The following DNAH9 variants were observed in gnomAD, a reference collection of about 807,000 sequenced individuals.
DNAH9 encodes the protein dynein axonemal heavy chain 9.
A neutral mutation model predicts 471.6 loss-of-function variants in DNAH9; 345 were observed. The ratio of observed to expected loss-of-function variants is 0.73; its 90% CI spans 0.67 to 0.80. DNAH9 has a LOEUF of 0.80. DNAH9 is among the 30% of genes least tolerant of loss of function. The pLI, the probability that DNAH9 is intolerant of heterozygous loss-of-function variation, is 0.00. For missense variants in DNAH9, 5,407 were observed against 5,609.2 expected, an observed-to-expected ratio of 0.96 and a Z score of 1.15; for synonymous variants, 2,093 against 2,123.6, an observed-to-expected ratio of 0.99 and a Z score of 0.40.
At chr17:11,757,354 A>G (rs1432516380) in intron 34 of DNAH9, among the ~76,000 whole-genome samples, 191 bp from the exon 35 acceptor site, 2 of 152,016 alleles carry the variant, frequency 1.3e-5, no homozygotes, top group Non-Finnish European at 2.9e-5. Context: ...CTCCCCATCC[A>G]TCTATCATCA....
chr17:11,898,194 G>A (rs1194489216), intron 59 of DNAH9, among the ~76,000 whole-genome samples: 9 of 151,334 alleles, frequency 5.9e-5, no homozygotes, highest in South Asian at 2.1e-4. Context: ...GCGAAATCTC[G>A]GCTCACTGCA....
At chr17:11,741,671 T>C (rs2075435026) in intron 29 of DNAH9, among the ~76,000 whole-genome samples, 1 of 152,168 alleles carries the variant, frequency 6.6e-6, no homozygotes, top group African/African-American at 2.4e-5. Context: ...TTTACATTTG[T>C]GTTCAAATAA....
chr17:11,695,474 G>A (rs1328881241), intron 22 of DNAH9, among the ~76,000 whole-genome samples: 1 of 152,186 alleles, frequency 6.6e-6, no homozygotes, highest in African/African-American at 2.4e-5. Context: ...CCCAAAATGT[G>A]GGGTTCTGGC....
At chr17:11,735,390 G>A (rs972970277) in intron 28 of DNAH9, among the ~76,000 whole-genome samples, 17 of 152,186 alleles carry the variant, frequency 1.1e-4, no homozygotes, top group African/African-American at 3.6e-4. Flanking sequence ...TGAGAACACC[G>A]GTTCCTACAT....
At position 11,932,294 on chromosome 17, in the gene DNAH9, T is replaced by C. The variant is rs562711191; in HGVS notation, c.12297+89T>C. 11 of 1,345,454 alleles carry C rather than the reference T, an allele frequency of 8.2e-6. No homozygotes were observed. In the South Asian group the frequency reaches 1.4e-4, roughly 17 times the overall value. 83.3% of individuals were successfully genotyped at this position (1,345,454 alleles called of 1,614,324 possible). A position where few individuals can be genotyped will look rare whatever the true frequency, so the allele number is the denominator to read the frequency against. The stretch of plus-strand genomic sequence containing the variant: ...AGGGGTGAATCAGAGGGGTCTAGGA[T>C]GGGGCCTGAGAATGTGCATTTCTAA... On this transcript the variant is annotated intron_variant, in intron 64 of 68. Coordinates refer to ENST00000262442, the MANE Select transcript of DNAH9 (RefSeq NM_001372.4). The surrounding 1 kb of genome is among the most constrained non-coding windows in gnomAD (Gnocchi z 4.3).
At chr17:11,797,913 T>A in intron 43 of DNAH9, 120 bp downstream of exon 43, 1 of 1,018,512 alleles carries the variant, frequency 9.8e-7, no homozygotes, top group Non-Finnish European at 1.4e-6. Context: ...GCTTCTGCCT[T>A]AAAAGTCAAG....
At chr17:11,677,309 A>G (rs1055162045) in intron 17 of DNAH9, among the ~76,000 whole-genome samples, 4 of 152,100 alleles carry the variant, frequency 2.6e-5, no homozygotes, top group Admixed American at 2.6e-4. Flanking sequence ...TTTGCTTCAT[A>G]TATTTTAAGG....
Position 11,932,260 on chromosome 17 carries a change from T to C in DNAH9, c.12297+55T>C. On this transcript the variant is annotated intron_variant, in intron 64 of 68. Coordinates refer to ENST00000262442, the MANE Select transcript of DNAH9 (RefSeq NM_001372.4). The surrounding 1 kb of genome is among the most constrained non-coding windows in gnomAD (Gnocchi z 4.3). ...CAGGTTGGGAGAGGGTTAAAATTATTTAATTTTGAGGGGTGAATCAGAGGG... is the reference window on the plus strand; with the variant it reads ...CAGGTTGGGAGAGGGTTAAAATTATCTAATTTTGAGGGGTGAATCAGAGGG... 1 of 1,567,780 alleles carries C rather than the reference T, an allele frequency of 6.4e-7. No homozygotes were observed. The highest frequency in any genetic ancestry group is 1.4e-5 in the African/African-American group (1 of 73,464).
At chr17:11,720,633 T>C (rs936687064) in intron 27 of DNAH9, among the ~76,000 whole-genome samples, 1 of 152,240 alleles carries the variant, frequency 6.6e-6, no homozygotes, top group Non-Finnish European at 1.5e-5. Context: ...AATGTAGTTA[T>C]AATTTTAGAA....
At chr17:11,909,540 T>TAGGAA (rs1441049141) in intron 61 of DNAH9, among the ~76,000 whole-genome samples, 1 of 152,214 alleles carries the variant, frequency 6.6e-6, no homozygotes, top group East Asian at 1.9e-4. Flanking sequence ...TCCTGCCTCT[T>TAGGAA]GACCAACCTG....
intron 27 of DNAH9, among the ~76,000 whole-genome samples, chr17:11,720,892 C>T (rs2075045028): frequency 6.6e-6 from 1 of 152,130 alleles, no homozygotes; most frequent in African/African-American, 2.4e-5. Context: ...CTCTTTAAGT[C>T]AGGCTGGAAC....
rs538936108 is a variant in DNAH9, at chr17:11,644,782, C to A, written c.1970+83C>A. On this transcript the variant is annotated intron_variant, in intron 11 of 68. Transcript: ENST00000262442. Reference sequence around the variant, plus strand: ...TTGCAGCTCCGAGTTTGTGCAGATTCCTCAGTGGCTCCGAAGTATCACTCT... The same window carrying A: ...TTGCAGCTCCGAGTTTGTGCAGATTACTCAGTGGCTCCGAAGTATCACTCT... 34 of 918,388 alleles carry A rather than the reference C, an allele frequency of 3.7e-5. No individual in the cohort carries two copies. The African/African-American group carries it at 4.4e-4, about 12-fold the overall frequency. The allele number at this position is 918,388 out of a possible 1,614,324, so 56.9% of individuals were successfully genotyped here. A position where few individuals can be genotyped will look rare whatever the true frequency, so the allele number is the denominator to read the frequency against.
At chr17:11,698,979 G>A (rs1027807514) in intron 22 of DNAH9, among the ~76,000 whole-genome samples, 3 of 152,090 alleles carry the variant, frequency 2.0e-5, no homozygotes, top group African/African-American at 7.2e-5. Context: ...GGCCGGGTGT[G>A]GTGGCTCACA....
chr17:11,725,082 A>G (rs1392330426), intron 27 of DNAH9, among the ~76,000 whole-genome samples: 1 of 152,226 alleles, frequency 6.6e-6, no homozygotes, highest in Non-Finnish European at 1.5e-5. Context: ...GACAGGAGAC[A>G]GAGCTCAGGC....
At chr17:11,960,434 T>TCAAAAAAAA (rs1976001811) in intron 67 of DNAH9, among the ~76,000 whole-genome samples, 1 of 56,196 alleles carries the variant, frequency 1.8e-5, no homozygotes, top group Admixed American at 2.1e-4. Context: ...AGACTCTGTC[T>TCAAAAAAAA]TAAAAAAAAA....
At chr17:11,648,144 C>T (rs980720348) in intron 12 of DNAH9, among the ~76,000 whole-genome samples, 1 of 152,218 alleles carries the variant, frequency 6.6e-6, no homozygotes, top group Admixed American at 6.5e-5. Context: ...ATTGGTCACA[C>T]TAAGCTAAAA....
intron 19 of DNAH9, among the ~76,000 whole-genome samples, chr17:11,687,817 G>A (rs2074264829): frequency 6.6e-6 from 1 of 151,972 alleles, no homozygotes; most frequent in Admixed American, 6.6e-5. Flanking sequence ...TGAACACTAG[G>A]GCTATGAGTG....
chr17:11,636,519 T>C, intron 8 of DNAH9, 115 bp from the exon 9 acceptor site: 1 of 718,876 alleles, frequency 1.4e-6, no homozygotes. Flanking sequence ...ATAACACTGT[T>C]CACTCTTCTT....
chr17:11,951,188 A>G (rs541451093), intron 67 of DNAH9, among the ~76,000 whole-genome samples: 7 of 152,334 alleles, frequency 4.6e-5, no homozygotes, highest in African/African-American at 1.4e-4. Context: ...TTAATTGGCC[A>G]TTGAAAACGT....
Sources: gnomAD v4.1 joint callset for allele counts (sites outside exome capture counted in the v4.1 genomes callset) on GRCh38, gnomAD v4.1.1 for gene constraint, Gnocchi (gnomAD v3.1) non-coding constraint, MANE v1.5 for transcripts, NCBI Gene and HGNC (gene_info 2026-07-23, HGNC 2026-07-21) for gene names.